The following EPHB1 variants were observed in gnomAD, a reference collection of about 807,000 sequenced individuals.
EPHB1 encodes EPH receptor B1.
A neutral mutation model predicts 94.4 loss-of-function variants in EPHB1; 30 were observed. The observed-to-expected ratio is 0.32, with a 90% CI of 0.24 to 0.43. The LOEUF (loss-of-function observed/expected upper bound fraction) is 0.43, where lower values mean the gene tolerates loss of function less well. Ranked by LOEUF, EPHB1 falls within the 20% of genes least tolerant of loss-of-function variation. The probability of loss-of-function intolerance (pLI) is 1.00; values close to 1 mark genes in which losing one functional copy is unlikely to be tolerated. For synonymous variants in EPHB1, 522 were observed against 489.1 expected (o/e 1.07, Z -0.89); for missense variants, 1,055 against 1,308.3 (o/e 0.81, Z 2.99).
intron 3 of EPHB1, among the ~76,000 whole-genome samples, chr3:134,952,834 C>T (rs1247550771): frequency 6.6e-6 from 1 of 152,222 alleles, no homozygotes; most frequent in Non-Finnish European, 1.5e-5. Context: ...GAACTGGCTG[C>T]AGGCTCAGTC....
intron 1 of EPHB1, among the ~76,000 whole-genome samples, chr3:134,887,020 C>G (rs2037875637): frequency 6.6e-6 from 1 of 152,212 alleles, no homozygotes; most frequent in Admixed American, 6.5e-5. Context: ...GGCAGTGGTT[C>G]TCCATTGCTG....
intron 3 of EPHB1, among the ~76,000 whole-genome samples, chr3:134,985,263 C>T (rs1200167979): frequency 6.6e-6 from 1 of 152,160 alleles, no homozygotes; most frequent in Non-Finnish European, 1.5e-5. Context: ...AAGCAATTCT[C>T]CTGCCTCAGC....
At chr3:135,048,851 A>G (rs139655237) in intron 3 of EPHB1, among the ~76,000 whole-genome samples, 1 of 152,346 alleles carries the variant, frequency 6.6e-6, no homozygotes, top group East Asian at 1.9e-4. Context: ...AACAACTCAA[A>G]TGCCCAACCA....
intron 2 of EPHB1, among the ~76,000 whole-genome samples, chr3:134,944,448 G>C (rs1357688497): frequency 6.6e-6 from 1 of 152,188 alleles, no homozygotes; most frequent in Non-Finnish European, 1.5e-5. Flanking sequence ...AGTCAGGTTA[G>C]CATGAGGCAA....
At chr3:135,124,380 A>C (rs770309103) in intron 4 of EPHB1, among the ~76,000 whole-genome samples, 1 of 151,654 alleles carries the variant, frequency 6.6e-6, no homozygotes, top group Non-Finnish European at 1.5e-5. Context: ...ACGTATTGAA[A>C]TGTTTTCTGA....
chr3:135,088,479 T>A (rs1193796384), intron 3 of EPHB1, among the ~76,000 whole-genome samples: 1 of 152,078 alleles, frequency 6.6e-6, no homozygotes, highest in Non-Finnish European at 1.5e-5. Context: ...AAATACAGGG[T>A]TTTTTTTCTC....
At position 134,807,092 on chromosome 3, in the gene EPHB1, C is replaced by T. The variant is rs1006575412; in HGVS notation, c.58+11403C>T. Among the ~76,000 whole-genome samples, 3 of 152,318 alleles carry T rather than the reference C, an allele frequency of 2.0e-5. No individual in the cohort carries two copies. The South Asian group carries it at 6.2e-4, about 32-fold the overall frequency. On this transcript the variant is annotated intron_variant, in intron 1 of 15. Coordinates refer to ENST00000398015, the MANE Select transcript of EPHB1 (RefSeq NM_004441.5). Reference sequence around the variant, plus strand: ...GAATAGGCTGCCTTGAGAGATGATGCAGCCCCATCTCTGGGGTGTCCAGGT... The same window carrying T: ...GAATAGGCTGCCTTGAGAGATGATGTAGCCCCATCTCTGGGGTGTCCAGGT...
At chr3:135,108,839 G>A (rs1457433140) in intron 4 of EPHB1, among the ~76,000 whole-genome samples, 1 of 152,130 alleles carries the variant, frequency 6.6e-6, no homozygotes, top group Non-Finnish European at 1.5e-5. Flanking sequence ...GGAGCTTAGG[G>A]GATAGCTAGA....
intron 1 of EPHB1, among the ~76,000 whole-genome samples, chr3:134,817,962 T>G (rs1466700151): frequency 6.6e-6 from 1 of 152,218 alleles, no homozygotes; most frequent in Non-Finnish European, 1.5e-5. Context: ...TGAGGTCCTG[T>G]GCCTATGTTC....
At chr3:135,203,794 G>C (rs141926234) in intron 12 of EPHB1, among the ~76,000 whole-genome samples, 1 of 152,082 alleles carries the variant, frequency 6.6e-6, no homozygotes, top group Non-Finnish European at 1.5e-5. Flanking sequence ...TCTGTGATCT[G>C]GGGTGTCTTT....
intron 3 of EPHB1, among the ~76,000 whole-genome samples, chr3:134,978,805 C>G (rs1284281509): frequency 1.3e-5 from 2 of 152,328 alleles, no homozygotes; most frequent in Admixed American, 6.5e-5. Context: ...GGCTCTGGCA[C>G]CTAGCATGGT....
chr3:135,093,396 C>A (rs1376428672), intron 3 of EPHB1, among the ~76,000 whole-genome samples: 1 of 152,164 alleles, frequency 6.6e-6, no homozygotes, highest in Non-Finnish European at 1.5e-5. Flanking sequence ...CTCCTACCTA[C>A]TATTTGAAAA....
chr3:135,009,627 A>C (rs1935551371), intron 3 of EPHB1, among the ~76,000 whole-genome samples: 1 of 152,250 alleles, frequency 6.6e-6, no homozygotes, highest in Non-Finnish European at 1.5e-5. Context: ...CTACCTGAGA[A>C]GCTTCCTAAC....
intron 10 of EPHB1, among the ~76,000 whole-genome samples, chr3:135,185,943 A>G (rs535384910): frequency 2.0e-5 from 3 of 152,220 alleles, no homozygotes; most frequent in Non-Finnish European, 4.4e-5. Context: ...TGGAGAGAGC[A>G]TGGTCCTCAT....
At chr3:135,136,347 T>G (rs1020490871) in intron 5 of EPHB1, among the ~76,000 whole-genome samples, 1 of 152,200 alleles carries the variant, frequency 6.6e-6, no homozygotes, top group African/African-American at 2.4e-5. Flanking sequence ...ATTATGTATA[T>G]AGTCATGACT....
chr3:134,950,127 T>G lies in EPHB1; in HGVS notation c.124-1244T>G, dbSNP rs570993427. Among the ~76,000 whole-genome samples, 5 of 152,360 alleles carry G rather than the reference T, an allele frequency of 3.3e-5. No homozygotes were observed. In the South Asian group the frequency reaches 6.2e-4, roughly 19 times the overall value. ...TCTGTAAATTGGGGATAATAATACC[T>G]GGTTCTGAAAGTTGCTGGGAATAGT... On this transcript the variant is annotated intron_variant, in intron 2 of 15. Coordinates refer to ENST00000398015, the MANE Select transcript of EPHB1 (RefSeq NM_004441.5).
Position 135,162,084 on chromosome 3 carries a change from C to A in EPHB1, c.1489C>A (p.Arg497=), listed in dbSNP as rs371083718. ...QTNTARIDGL[R]PGMVYVVQVR... ...CAACACAGCAAGGATTGATGGGCTG[C>A]GGCCTGGCATGGTATATGTGGTACA... The change falls in exon 7 of 16, where the codon CGG becomes AGG. Residue 497 remains arginine (R), a synonymous_variant. Transcript: ENST00000398015. The A allele has an allele frequency of 3.0e-4, 488 of 1,613,532 alleles. No homozygotes were observed. The highest frequency in any genetic ancestry group is 8.3e-4 in the Middle Eastern group (5 of 6,060).
At chr3:134,899,658 G>GTTTGT (rs371354873) in intron 1 of EPHB1, among the ~76,000 whole-genome samples, 233 of 152,202 alleles carry the variant, frequency 1.5e-3, no homozygotes, top group African/African-American at 5.3e-3. Context: ...GTTTTTGTTT[G>GTTTGT]TTTGTTTTGT....
chr3:135,035,627 C>G (rs1240053682), intron 3 of EPHB1, among the ~76,000 whole-genome samples: 2 of 152,214 alleles, frequency 1.3e-5, no homozygotes, highest in African/African-American at 2.4e-5. Context: ...CTCATCAGCA[C>G]AGTCCCTCTC....
Sources: allele counts gnomAD v4.1 joint callset (sites outside exome capture counted in the v4.1 genomes callset), GRCh38; gene constraint gnomAD v4.1.1; transcripts MANE v1.5; gene names NCBI Gene and HGNC (gene_info 2026-07-23, HGNC 2026-07-21).